DCHS2: variants seen among roughly 807,000 people sequenced by gnomAD.
DCHS2 encodes protocadherin-23.
In DCHS2, 142 loss-of-function variants were observed where a neutral mutation model predicts 182.4. That is an observed-to-expected ratio of 0.78 (90% confidence interval 0.68 to 0.89). The LOEUF (loss-of-function observed/expected upper bound fraction) is 0.89. DCHS2 is among the 40% of genes least tolerant of loss of function. DCHS2 has a pLI of 0.00. For synonymous variants in DCHS2, 1,740 were observed against 1,663.3 expected (o/e 1.05, Z -1.12); for missense variants, 4,319 against 4,198.6 (o/e 1.03, Z -0.79).
intron 1 of DCHS2, among the ~76,000 whole-genome samples, chr4:154,485,653 T>G (rs1336709040): frequency 6.6e-6 from 1 of 152,254 alleles, no homozygotes; most frequent in African/African-American, 2.4e-5. Flanking sequence ...TTAGATGTTG[T>G]TGAATTCAAT....
intron 1 of DCHS2, among the ~76,000 whole-genome samples, chr4:154,384,862 C>G (rs1304514145): frequency 6.6e-6 from 1 of 151,808 alleles, no homozygotes; most frequent in Non-Finnish European, 1.5e-5. Context: ...CTTCTAGTCT[C>G]CAGAACTGTG....
intron 1 of DCHS2, among the ~76,000 whole-genome samples, chr4:154,405,378 A>C (rs1313367405): frequency 6.6e-6 from 1 of 151,504 alleles, no homozygotes. Context: ...GGATTTGCTA[A>C]TGTTCCTAGA....
At chr4:154,482,155 G>T (rs1168260457) in intron 1 of DCHS2, among the ~76,000 whole-genome samples, 1 of 152,184 alleles carries the variant, frequency 6.6e-6, no homozygotes, top group Non-Finnish European at 1.5e-5. Flanking sequence ...GTAGCAAGAT[G>T]ATTTAAACAA....
intron 15 of DCHS2, among the ~76,000 whole-genome samples, chr4:154,258,221 G>A (rs1732795836): frequency 6.6e-6 from 1 of 152,146 alleles, no homozygotes. Flanking sequence ...TACACCTGCA[G>A]TCATAGCCTA....
chr4:154,296,245 G>A (rs144158987), intron 13 of DCHS2, among the ~76,000 whole-genome samples: 8 of 152,256 alleles, frequency 5.3e-5, no homozygotes, highest in East Asian at 1.9e-4. Flanking sequence ...GTTAAACATC[G>A]TGGGCAACCA....
At chr4:154,394,757 G>A (rs555613525) in intron 1 of DCHS2, among the ~76,000 whole-genome samples, 1 of 152,234 alleles carries the variant, frequency 6.6e-6, no homozygotes, top group South Asian at 2.1e-4. Flanking sequence ...AATATCCACA[G>A]ATAGAAAGGA....
intron 1 of DCHS2, among the ~76,000 whole-genome samples, chr4:154,474,002 G>C (rs1735585107): frequency 6.6e-6 from 1 of 152,144 alleles, no homozygotes; most frequent in Non-Finnish European, 1.5e-5. Flanking sequence ...CGATATTAAA[G>C]GTAAGTAGGT....
At chr4:154,392,808 G>A (rs1344583567) in intron 1 of DCHS2, among the ~76,000 whole-genome samples, 1 of 152,130 alleles carries the variant, frequency 6.6e-6, no homozygotes, top group East Asian at 1.9e-4. Context: ...AAGACTTACA[G>A]GAAAAACATT....
chr4:154,482,811 A>G (rs1490670), intron 1 of DCHS2, among the ~76,000 whole-genome samples: 140,044 of 152,182 alleles, frequency 0.92, 65,579 homozygotes, highest in East Asian at 1. Flanking sequence ...GGGATTGGAT[A>G]GTGCATTTAC....
intron 1 of DCHS2, among the ~76,000 whole-genome samples, chr4:154,425,240 C>T (rs908082710): frequency 9.2e-5 from 14 of 152,162 alleles, no homozygotes; most frequent in Admixed American, 1.3e-4. Flanking sequence ...CAGCCCCATC[C>T]GAAGAACAGG....
chr4:154,320,701 A>C lies in DCHS2; in HGVS notation c.4698T>G (p.Phe1566Leu), dbSNP rs1296746976. 3 of 1,614,018 alleles carry C rather than the reference A, an allele frequency of 1.9e-6. No homozygotes were observed. Among genetic ancestry groups the C allele is most frequent in the Non-Finnish European group, 2.5e-6 (3 of 1,180,038 alleles). The change falls in exon 9 of 20, where the codon TTT becomes TTG. Residue 1566 changes from phenylalanine (F) to leucine (L), a missense_variant. Coordinates refer to ENST00000357232, the MANE Select transcript of DCHS2 (RefSeq NM_001358235.2). ...GTNPFLIHPS[F>L]GTLVTVSRLD... ...GACGGGACACAGTGACTAGTGTGCC[A>C]AATGAGGGGTGGATGAGAAATGGAT...
At chr4:154,472,350 G>A (rs976568766) in intron 1 of DCHS2, among the ~76,000 whole-genome samples, 2 of 152,146 alleles carry the variant, frequency 1.3e-5, no homozygotes, top group Non-Finnish European at 2.9e-5. Flanking sequence ...AAGCATCCTA[G>A]AAATGAGCTC....
intron 1 of DCHS2, among the ~76,000 whole-genome samples, chr4:154,455,634 T>C (rs943838065): frequency 1.3e-5 from 2 of 152,160 alleles, no homozygotes; most frequent in African/African-American, 4.8e-5. Context: ...GACTGGGGAG[T>C]AGACTCCAAA....
In DCHS2 at chr4:154,489,031, T is replaced by A. The variant is rs374234326; in HGVS notation, c.2052+273A>T. On this transcript the variant is annotated intron_variant, in intron 1 of 19. Coordinates refer to ENST00000357232, the MANE Select transcript of DCHS2 (RefSeq NM_001358235.2). ...TCCTGAACCTATTTAGGTGCATACA[T>A]CCAGCAGGAAAGAAATCAGGCTTCA... Among the ~76,000 whole-genome samples the A allele has an allele frequency of 2.4e-3, 360 of 152,004 alleles. 2 individuals carry two copies. The South Asian group carries it at 0.029, about 12-fold the overall frequency.
At chr4:154,394,925 T>C (rs755406844) in intron 1 of DCHS2, among the ~76,000 whole-genome samples, 6 of 152,144 alleles carry the variant, frequency 3.9e-5, no homozygotes, top group Non-Finnish European at 7.4e-5. Flanking sequence ...TTATACCAAT[T>C]ACAATTCACT....
At chr4:154,448,844 G>T (rs1402075019) in intron 1 of DCHS2, among the ~76,000 whole-genome samples, 1 of 152,032 alleles carries the variant, frequency 6.6e-6, no homozygotes, top group Non-Finnish European at 1.5e-5. Flanking sequence ...ATTTCCTCAG[G>T]CAGGACATGC....
intron 13 of DCHS2, among the ~76,000 whole-genome samples, chr4:154,283,001 G>A (rs902588300): frequency 6.6e-6 from 1 of 152,060 alleles, no homozygotes; most frequent in Non-Finnish European, 1.5e-5. Context: ...AAGTAGAATG[G>A]CATTTGCTAA....
chr4:154,364,896 A>C (rs1730281142), intron 3 of DCHS2, among the ~76,000 whole-genome samples: 2 of 152,220 alleles, frequency 1.3e-5, no homozygotes, highest in Non-Finnish European at 2.9e-5. Context: ...GGAAAAATGC[A>C]AAAGAAAAAA....
chr4:154,400,164 G>T (rs546000851), intron 1 of DCHS2, among the ~76,000 whole-genome samples: 2 of 152,048 alleles, frequency 1.3e-5, no homozygotes, highest in Non-Finnish European at 2.9e-5. Context: ...TTAGCCGGGC[G>T]TGGTGGCGGG....
Sources: gnomAD v4.1 joint callset for allele counts (sites outside exome capture counted in the v4.1 genomes callset) on GRCh38, gnomAD v4.1.1 for gene constraint, MANE v1.5 for transcripts, NCBI Gene and HGNC (gene_info 2026-07-23, HGNC 2026-07-21) for gene names.